The following GPRC5B variants were observed in gnomAD, a reference collection of about 807,000 sequenced individuals.
GPRC5B encodes G protein-coupled receptor family C group 5 member B.
Under a neutral mutation model 30.1 loss-of-function variants are expected in GPRC5B, and 16 were observed. That is an observed-to-expected ratio of 0.53 (90% confidence interval 0.36 to 0.81). GPRC5B has a LOEUF of 0.81. Among genes scored for constraint, GPRC5B ranks in the 30% least tolerant of loss-of-function variants. The pLI is 0.01. For missense variants in GPRC5B, 428 were observed against 544.7 expected, an observed-to-expected ratio of 0.79 and a Z score of 2.13; for synonymous variants, 241 against 239.5, an observed-to-expected ratio of 1.01 and a Z score of -0.06.
intron 1 of GPRC5B, among the ~76,000 whole-genome samples, chr16:19,882,782 C>T (rs2056816965): frequency 1.3e-5 from 2 of 152,188 alleles, no homozygotes; most frequent in Non-Finnish European, 2.9e-5. Flanking sequence ...AGATCATGAT[C>T]TGGCTGGTCC....
At chr16:19,874,503 C>T (rs1597631340) in intron 1 of GPRC5B, among the ~76,000 whole-genome samples, 2 of 152,220 alleles carry the variant, frequency 1.3e-5, no homozygotes, top group South Asian at 4.1e-4. Flanking sequence ...CGTGGCAGGG[C>T]AGGGACATGG....
chr16:19,862,135 G>A, intron 2 of GPRC5B, 162 bp from the exon 3 acceptor site: 1 of 630,578 alleles, frequency 1.6e-6, no homozygotes, highest in Non-Finnish European at 2.8e-6. Context: ...TCACAAAGGG[G>A]CTTTGTTCTC....
At position 19,872,190 on chromosome 16, in the gene GPRC5B, A is replaced by C. The variant is rs1278757906; in HGVS notation, c.656T>G (p.Leu219Arg). Reference sequence around the variant, plus strand: ...CTTGAACTTGCCGCACAGAGTGAAGAGGGCCAGCCCCAGGGTGACCACAAG... The same window carrying C: ...CTTGAACTTGCCGCACAGAGTGAAGCGGGCCAGCCCCAGGGTGACCACAAG... The part of the protein sequence containing the change: ...VLLVVTLGLA[L>R]FTLCGKFKRW... The change falls in exon 2 of 4, where the codon CTC becomes CGC. Residue 219 changes from leucine (L) to arginine (R), a missense_variant. Around this residue, in one of 3 missense-constraint regions of GPRC5B, gnomAD observed 213 missense variants for 229.1 expected, o/e 0.93. Transcript: ENST00000300571. This position sits in a 1 kb window ranked among gnomAD's most constrained non-coding sequence, Gnocchi z 5.0. 6.2e-7 allele frequency: 1 copy of C among 1,614,150 alleles called. No individual in the cohort carries two copies. Among genetic ancestry groups the C allele is most frequent in the Admixed American group, 1.7e-5 (1 of 60,034 alleles).
intron 2 of GPRC5B, among the ~76,000 whole-genome samples, chr16:19,870,604 C>T (rs1051087942): frequency 9.2e-5 from 14 of 152,362 alleles, no homozygotes; most frequent in African/African-American, 2.6e-4. Flanking sequence ...AGTACATTCC[C>T]GGTAACTGAG....
intron 1 of GPRC5B, among the ~76,000 whole-genome samples, chr16:19,884,166 A>G (rs1171693166): frequency 2.8e-5 from 3 of 105,596 alleles, no homozygotes; most frequent in Non-Finnish European, 1.9e-5. Flanking sequence ...CAGCTCTGCC[A>G]TCTCCCACCG....
At chr16:19,865,460 C>G (rs953875092) in intron 2 of GPRC5B, among the ~76,000 whole-genome samples, 1 of 152,150 alleles carries the variant, frequency 6.6e-6, no homozygotes, top group Non-Finnish European at 1.5e-5. Flanking sequence ...ACAAGAGATC[C>G]TCAAATAGTG....
intron 2 of GPRC5B, among the ~76,000 whole-genome samples, chr16:19,866,866 G>A (rs559840788): frequency 6.6e-5 from 10 of 152,288 alleles, no homozygotes; most frequent in East Asian, 5.8e-4. Context: ...AAGGTGTGCC[G>A]CACCTTATTG....
intron 1 of GPRC5B, among the ~76,000 whole-genome samples, chr16:19,876,112 TGGGA>T (rs2056757536): frequency 6.6e-6 from 1 of 152,204 alleles, no homozygotes; most frequent in Non-Finnish European, 1.5e-5. Context: ...CCAGGGTGGC[TGGGA>T]GGATGACAGG....
chr16:19,885,571 C>T, upstream of GPRC5B: 3 of 1,071,776 alleles, frequency 2.8e-6, no homozygotes, highest in Non-Finnish European at 3.4e-6. The surrounding 1 kb of genome is among the most constrained non-coding windows in gnomAD (Gnocchi z 5.3). Flanking sequence ...TACGCAGGAT[C>T]GCCACCACCC....
At chr16:19,865,839 C>T (rs935475559) in intron 2 of GPRC5B, among the ~76,000 whole-genome samples, 2 of 152,198 alleles carry the variant, frequency 1.3e-5, no homozygotes, top group East Asian at 1.9e-4. Context: ...GCGGTTTCAA[C>T]CTGGTTACAT....
intron 1 of GPRC5B, among the ~76,000 whole-genome samples, chr16:19,881,211 C>T (rs1690401): frequency 2.0e-5 from 3 of 152,044 alleles, no homozygotes; most frequent in South Asian, 2.1e-4. Flanking sequence ...CTCTGAACCT[C>T]GGTCTCTTCA....
intron 2 of GPRC5B, among the ~76,000 whole-genome samples, chr16:19,866,553 AT>A (rs1319908496): frequency 6.6e-6 from 1 of 151,316 alleles, no homozygotes; most frequent in Admixed American, 6.6e-5. Flanking sequence ...TATTTTTTGT[AT>A]TTTTAGTAGA....
At chr16:19,875,639 C>T (rs1160229362) in intron 1 of GPRC5B, among the ~76,000 whole-genome samples, 11 of 151,920 alleles carry the variant, frequency 7.2e-5, no homozygotes, top group African/African-American at 2.4e-4. Flanking sequence ...ATTAGCTGGG[C>T]GTGGTGCCAC....
chr16:19,881,738 C>G (rs941079890), intron 1 of GPRC5B, among the ~76,000 whole-genome samples: 1 of 152,118 alleles, frequency 6.6e-6, no homozygotes. Context: ...GCCGAGATTG[C>G]GCCACTGCAC....
intron 2 of GPRC5B, among the ~76,000 whole-genome samples, chr16:19,867,262 C>T (rs949494860): frequency 6.6e-6 from 1 of 152,204 alleles, no homozygotes; most frequent in African/African-American, 2.4e-5. Context: ...GGAGCTATCC[C>T]GCCTGGGTTC....
chr16:19,860,448 C>T lies in GPRC5B; in HGVS notation c.*52G>A, dbSNP rs2056611789. ...ATTTCTCCCTCAAGAAAGACACAGC[C>T]AGGGAGGCAAATCGGTAAGAGAAAT... On this transcript the variant is annotated 3_prime_UTR_variant, in exon 4 of 4. Transcript: ENST00000300571. The T allele has an allele frequency of 1.7e-6, 2 of 1,147,708 alleles. No homozygotes were observed. Among genetic ancestry groups the T allele is most frequent in the East Asian group, 2.3e-5 (1 of 42,636 alleles). 71.1% of individuals were successfully genotyped at this position (1,147,708 alleles called of 1,614,324 possible).
chr16:19,866,488 G>T (rs1413218411), intron 2 of GPRC5B, among the ~76,000 whole-genome samples: 6 of 152,050 alleles, frequency 3.9e-5, no homozygotes, highest in African/African-American at 7.2e-5. Context: ...TCCCGAGCGA[G>T]TACCTGGGAC....
intron 1 of GPRC5B, among the ~76,000 whole-genome samples, chr16:19,883,626 C>A (rs1159107984): frequency 6.6e-6 from 1 of 152,246 alleles, no homozygotes; most frequent in Non-Finnish European, 1.5e-5. Context: ...AGGTGCCCCC[C>A]GGCCTGGTGC....
intron 2 of GPRC5B, among the ~76,000 whole-genome samples, chr16:19,868,503 A>G (rs1462274217): frequency 6.6e-6 from 1 of 152,200 alleles, no homozygotes; most frequent in Non-Finnish European, 1.5e-5. Context: ...CCAGGAACCC[A>G]GGAACTGACC....
Sources: allele counts gnomAD v4.1 joint callset (sites outside exome capture counted in the v4.1 genomes callset), GRCh38; gene constraint gnomAD v4.1.1; regional missense constraint gnomAD v4.1.1; non-coding constraint Gnocchi (gnomAD v3.1); transcripts MANE v1.5; gene names NCBI Gene and HGNC (gene_info 2026-07-23, HGNC 2026-07-21).